RGPD1: variants seen among roughly 807,000 people sequenced by gnomAD.
RGPD1 encodes the protein RANBP2-like and GRIP domain-containing protein 1.
Under a neutral mutation model 40.6 loss-of-function variants are expected in RGPD1, and 7 were observed. That is an observed-to-expected ratio of 0.17 (90% CI 0.10 to 0.32). RGPD1 has a LOEUF of 0.32. Ranked by LOEUF, RGPD1 falls within the 10% of genes least tolerant of loss-of-function variation. The pLI is 1.00. For missense variants in RGPD1, 50 were observed against 472.5 expected (o/e 0.11, Z 8.29); for synonymous variants, 24 against 167.0 (o/e 0.14, Z 6.60).
At chr2:86,925,869 C>T (rs1449960201) in intron 1 of RGPD1, among the ~76,000 whole-genome samples, 6 of 152,236 alleles carry the variant, frequency 3.9e-5, no homozygotes, top group East Asian at 3.9e-4. Flanking sequence ...CACGCCTGGC[C>T]TTGTACATGT....
upstream of RGPD1, chr2:86,913,779 T>G: frequency 7.0e-7 from 1 of 1,434,472 alleles, no homozygotes; most frequent in Non-Finnish European, 9.3e-7. Flanking sequence ...GGCGCTTTCC[T>G]GTTGGAATTG....
intron 1 of RGPD1, among the ~76,000 whole-genome samples, chr2:86,927,200 C>T (rs1437715334): frequency 1.3e-5 from 2 of 150,836 alleles, no homozygotes; most frequent in South Asian, 2.1e-4. Flanking sequence ...TGGTATGTTC[C>T]GTGGAGTAAA....
Position 86,942,198 on chromosome 2 carries a change from G to T in RGPD1, c.-39G>T, listed in dbSNP as rs1274003474. On this transcript the variant is annotated 5_prime_UTR_variant, in exon 1 of 23. Coordinates refer to ENST00000641458, the MANE Select transcript of RGPD1 (RefSeq NM_001382344.1). ...ATTGGCGACTGCTGCGGGGCTGAGC[G>T]CTGGTTTCACGCGTCTCGGGAGCCA... 6.3e-7 allele frequency: 1 copy of T among 1,575,202 alleles called. No individual in the cohort carries two copies. The highest frequency in any genetic ancestry group is 1.4e-5 in the African/African-American group (1 of 73,886).
At chr2:86,936,766 G>T (rs1371456942) in intron 1 of RGPD1, among the ~76,000 whole-genome samples, 1 of 123,458 alleles carries the variant, frequency 8.1e-6, no homozygotes, top group Non-Finnish European at 1.7e-5. Flanking sequence ...GATTACAGGC[G>T]TGAGCCACTG....
In RGPD1 at chr2:86,942,432, C is replaced by T. The variant is rs558376629; in HGVS notation, c.72+124C>T. On this transcript the variant is annotated intron_variant, in intron 1 of 22. Coordinates refer to ENST00000641458, the MANE Select transcript of RGPD1 (RefSeq NM_001382344.1). ...ATGGCTCAGGCGTCATGGCTCCCGACGGGCGCTGCTCCCTGGCGCGCTCTG... is the reference window on the plus strand; with the variant it reads ...ATGGCTCAGGCGTCATGGCTCCCGATGGGCGCTGCTCCCTGGCGCGCTCTG... 126 of 1,021,192 alleles carry T rather than the reference C, an allele frequency of 1.2e-4. 17 individuals are homozygous for T. The highest frequency in any genetic ancestry group is 3.1e-4 in the East Asian group (4 of 13,082). 63.3% of individuals were successfully genotyped at this position (1,021,192 alleles called of 1,614,324 possible). A position where few individuals can be genotyped will look rare whatever the true frequency, so the allele number is the denominator to read the frequency against.
chr2:86,920,438 G>A (rs1678073549), intron 1 of RGPD1, among the ~76,000 whole-genome samples: 1 of 148,172 alleles, frequency 6.7e-6, no homozygotes, highest in Non-Finnish European at 1.5e-5. Flanking sequence ...TTTATTACAT[G>A]TGAAAAGATT....
At chr2:86,914,326 C>CT (rs1677638943) in intron 1 of RGPD1, among the ~76,000 whole-genome samples, 2 of 39,480 alleles carry the variant, frequency 5.1e-5, no homozygotes, top group Non-Finnish European at 9.3e-5. Flanking sequence ...CGGCCTCGGC[C>CT]TGGCCGGGCG....
intron 1 of RGPD1, among the ~76,000 whole-genome samples, chr2:86,935,924 ACTT>A (rs1365582992): frequency 1.7e-4 from 25 of 147,550 alleles, no homozygotes; most frequent in South Asian, 2.2e-4. Context: ...GTTCAGCACT[ACTT>A]CTTCCATCTT....
chr2:86,942,454 T>G lies in RGPD1; in HGVS notation c.72+146T>G, dbSNP rs1201643331. On this transcript the variant is annotated intron_variant, in intron 1 of 22. Transcript: ENST00000641458. ...CGACGGGCGCTGCTCCCTGGCGCGC[T>G]CTGTTGAGGCGCCGGCCTCGACCTG... The G allele has an allele frequency of 1.4e-5, 8 of 552,668 alleles. 1 individual carries two copies. The highest frequency in any genetic ancestry group is 1.3e-4 in the South Asian group (4 of 30,990). The allele number at this position is 552,668 out of a possible 1,614,324, so 34.2% of individuals were successfully genotyped here. A position where few individuals can be genotyped will look rare whatever the true frequency, so the allele number is the denominator to read the frequency against.
rs959757879 is a variant in RGPD1, at chr2:86,943,308, C to T, written c.72+1000C>T. On this transcript the variant is annotated intron_variant, in intron 1 of 22. Transcript: ENST00000641458. The stretch of plus-strand genomic sequence containing the variant: ...CACCCCGCCCAGAACACTTTGGTAG[C>T]TGCCTTTGCTTAAAAAAAAAAAAAT... Among the ~76,000 whole-genome samples, 6 of 124,666 alleles carry T rather than the reference C, an allele frequency of 4.8e-5. No individual in the cohort carries two copies. In the East Asian group the frequency reaches 1.5e-3, roughly 30 times the overall value. 81.8% of individuals were successfully genotyped at this position (124,666 alleles called of 152,430 possible). A position where few individuals can be genotyped will look rare whatever the true frequency, so the allele number is the denominator to read the frequency against.
intron 6 of RGPD1, among the ~76,000 whole-genome samples, chr2:86,960,551 A>G (rs1424789910): frequency 1.7e-5 from 2 of 120,618 alleles, no homozygotes; most frequent in Non-Finnish European, 3.3e-5. Flanking sequence ...TTGTATTTTT[A>G]GTAGAAACAG....
chr2:86,942,466 C>CCGGCCTCGACCTGGCCGGGCGGCAGCGG (rs1679901017), intron 1 of RGPD1, among the ~76,000 whole-genome samples, 158 bp downstream of exon 1: 1 of 53,612 alleles, frequency 1.9e-5, no homozygotes, highest in African/African-American at 5.2e-5. Context: ...TGTTGAGGCG[C>CCGGCCTCGACCTGGCCGGGCGGCAGCGG]CGGCCTCGAC....
At chr2:86,943,555 C>T (rs1680088509) in intron 1 of RGPD1, among the ~76,000 whole-genome samples, 1 of 152,038 alleles carries the variant, frequency 6.6e-6, no homozygotes, top group Non-Finnish European at 1.5e-5. Flanking sequence ...ACAGCACTGT[C>T]GTTTATAAGC....
intron 1 of RGPD1, chr2:86,914,052 G>C (rs1380422100): frequency 4.7e-5 from 2 of 42,782 alleles, no homozygotes; most frequent in Admixed American, 2.6e-4. Flanking sequence ...CGGCGGCGGC[G>C]GCGGCCTCGG....
intron 7 of RGPD1, among the ~76,000 whole-genome samples, chr2:86,964,066 G>T (rs1166668127): frequency 3.0e-5 from 2 of 67,524 alleles, no homozygotes; most frequent in Admixed American, 1.3e-4. Context: ...TTTTTGAGAC[G>T]GAGTCTCGCT....
chr2:86,943,067 C>T (rs955473882), intron 1 of RGPD1, among the ~76,000 whole-genome samples: 2 of 151,166 alleles, frequency 1.3e-5, no homozygotes, highest in African/African-American at 2.4e-5. Flanking sequence ...GGTCGTACCT[C>T]CTTGGCCTGG....
upstream of RGPD1, among the ~76,000 whole-genome samples, chr2:86,941,669 C>T (rs953213715): frequency 5.9e-5 from 9 of 151,326 alleles, 1 homozygote; most frequent in African/African-American, 2.0e-4. Context: ...TCTGACTTTT[C>T]CTCTAAGTGT....
intron 1 of RGPD1, among the ~76,000 whole-genome samples, chr2:86,930,945 G>A (rs957604787): frequency 9.4e-6 from 1 of 106,332 alleles, no homozygotes. Flanking sequence ...CATCACAAGA[G>A]AACGCCAGTT....
chr2:86,944,845 C>T lies in RGPD1; in HGVS notation c.72+2537C>T, dbSNP rs573489427. On this transcript the variant is annotated intron_variant, in intron 1 of 22. Coordinates refer to ENST00000641458, the MANE Select transcript of RGPD1 (RefSeq NM_001382344.1). ...ACCTTAGCCTCCTGGGTAGCTGAGACTACAGGCATGCCAGCTACAGGCATG... is the reference window on the plus strand; with the variant it reads ...ACCTTAGCCTCCTGGGTAGCTGAGATTACAGGCATGCCAGCTACAGGCATG... Among the ~76,000 whole-genome samples the T allele has an allele frequency of 6.6e-5, 10 of 152,120 alleles. No individual in the cohort carries two copies. The South Asian group carries it at 2.1e-3, about 32-fold the overall frequency.
Sources: allele counts gnomAD v4.1 joint callset (sites outside exome capture counted in the v4.1 genomes callset), GRCh38; gene constraint gnomAD v4.1.1; transcripts MANE v1.5; gene names NCBI Gene and HGNC (gene_info 2026-07-23, HGNC 2026-07-21).